The following HADHB variants were observed in gnomAD, a reference collection of about 807,000 sequenced individuals.
The protein encoded by HADHB is hydroxyacyl-CoA dehydrogenase trifunctional multienzyme complex subunit beta.
In HADHB, 50 loss-of-function variants were observed where a neutral mutation model predicts 61.9. The ratio of observed to expected loss-of-function variants is 0.81; its 90% CI spans 0.64 to 1.02. The LOEUF is 1.02. Ranked by LOEUF, HADHB falls within the 50% of genes least tolerant of loss-of-function variation. The pLI is 0.00. For missense variants in HADHB, 504 were observed against 586.5 expected (o/e 0.86, Z 1.45); for synonymous variants, 191 against 201.6 (o/e 0.95, Z 0.45).
rs766742523 is a variant in HADHB, at chr2:26,285,739, GTTTT to G, written c.1389+183_1389+186del. Among the ~76,000 whole-genome samples the G allele has an allele frequency of 8.1e-4, 53 of 65,098 alleles. 3 individuals carry two copies. The highest frequency in any genetic ancestry group is 2.8e-3 in the African/African-American group (43 of 15,154). 42.7% of individuals were successfully genotyped at this position (65,098 alleles called of 152,430 possible). On this transcript the variant is annotated intron_variant, in intron 15 of 15. Coordinates refer to ENST00000317799, the MANE Select transcript of HADHB (RefSeq NM_000183.3). The stretch of plus-strand genomic sequence containing the variant: ...TCTGATAAAACTTTTTGTTTTTTGG[GTTTT>G]TTTTTTTTTTTTTTGAGACAGTCTT...
intron 12 of HADHB, among the ~76,000 whole-genome samples, chr2:26,283,260 C>T (rs576774109): frequency 1.3e-5 from 2 of 152,158 alleles, no homozygotes; most frequent in South Asian, 2.1e-4. Context: ...CACGGTGGCT[C>T]ACGCCTGTAA....
chr2:26,279,462 A>G lies in HADHB; in HGVS notation c.811+147A>G, dbSNP rs899844707. 5.8e-6 allele frequency: 4 copies of G among 691,168 alleles called. No individual in the cohort carries two copies. The East Asian group carries it at 1.1e-4, about 19-fold the overall frequency. 42.8% of individuals were successfully genotyped at this position (691,168 alleles called of 1,614,324 possible). On this transcript the variant is annotated intron_variant, in intron 9 of 15. Transcript: ENST00000317799. Reference sequence around the variant, plus strand: ...TTCTTAAATATGGATGCAAATTTTGATTTATGTTGTAACAATAGGTTAACA... The same window carrying G: ...TTCTTAAATATGGATGCAAATTTTGGTTTATGTTGTAACAATAGGTTAACA...
chr2:26,276,127 C>T (rs1021240605), intron 6 of HADHB, among the ~76,000 whole-genome samples: 2 of 152,034 alleles, frequency 1.3e-5, no homozygotes, highest in East Asian at 1.9e-4. Context: ...TGGAATCAGA[C>T]GTTGATTGGT....
chr2:26,253,884 A>G (rs938430125), intron 1 of HADHB, among the ~76,000 whole-genome samples: 1 of 150,684 alleles, frequency 6.6e-6, no homozygotes, highest in African/African-American at 2.4e-5. Context: ...AAATAAATAA[A>G]TAAATAAATA....
chr2:26,250,063 A>G (rs1444414005), intron 1 of HADHB, among the ~76,000 whole-genome samples: 1 of 151,970 alleles, frequency 6.6e-6, no homozygotes, highest in Non-Finnish European at 1.5e-5. Context: ...CTGGAGTGCA[A>G]TAGTATGATC....
intron 3 of HADHB, chr2:26,260,449 A>G (rs984742280): frequency 1.3e-5 from 2 of 155,010 alleles, no homozygotes; most frequent in Non-Finnish European, 2.9e-5. Context: ...AAGGTCAGTC[A>G]TGAATAGTGT....
intron 13 of HADHB, 50 bp from the exon 14 acceptor site, chr2:26,284,833 G>T: frequency 1.1e-6 from 1 of 925,998 alleles, no homozygotes; most frequent in South Asian, 1.3e-5. Context: ...ATAAGAAAGC[G>T]TAGAGGAACA....
Position 26,244,954 on chromosome 2 carries a change from T to C in HADHB, c.-45T>C, listed in dbSNP as rs1671060106. 2 of 331,386 alleles carry C rather than the reference T, an allele frequency of 6.0e-6. No homozygotes were observed. The highest frequency in any genetic ancestry group is 1.2e-5 in the Non-Finnish European group (2 of 169,230). The allele number at this position is 331,386 out of a possible 1,614,324, so 20.5% of individuals were successfully genotyped here. On this transcript the variant is annotated 5_prime_UTR_variant, in exon 1 of 16. Transcript: ENST00000317799. ...GAGCCTTGGTACTTGGACCTGAACCTTGCTCCGAGAGGGAGTCCTCGCGGA... is the reference window on the plus strand; with the variant it reads ...GAGCCTTGGTACTTGGACCTGAACCCTGCTCCGAGAGGGAGTCCTCGCGGA...
At chr2:26,274,632 G>T (rs375136633) in intron 6 of HADHB, among the ~76,000 whole-genome samples, 1 of 152,162 alleles carries the variant, frequency 6.6e-6, no homozygotes, top group Non-Finnish European at 1.5e-5. Context: ...AATAGGAAGA[G>T]ATTTTATTTC....
intron 15 of HADHB, among the ~76,000 whole-genome samples, chr2:26,289,302 G>T (rs1210854437): frequency 1.3e-5 from 2 of 152,014 alleles, no homozygotes; most frequent in Non-Finnish European, 2.9e-5. Context: ...TCTTCCCTTT[G>T]TGGTCCCTCA....
chr2:26,285,248 T>C (rs1368053765), intron 14 of HADHB, among the ~76,000 whole-genome samples, 159 bp from the exon 15 acceptor site: 1 of 152,262 alleles, frequency 6.6e-6, no homozygotes, highest in African/African-American at 2.4e-5. Flanking sequence ...TGACTTTTAA[T>C]ATTGACCTAG....
Position 26,250,696 on chromosome 2 carries a change from C to G in HADHB, c.-8-3551C>G, listed in dbSNP as rs924529453. Among the ~76,000 whole-genome samples the G allele has an allele frequency of 2.6e-5, 4 of 150,946 alleles. No homozygotes were observed. In the East Asian group the frequency reaches 7.8e-4, roughly 29 times the overall value. On this transcript the variant is annotated intron_variant, in intron 1 of 15. Transcript: ENST00000317799. ...ATTAGCCAGGCATGGTGGCATGTGCCTGTAGTCTAAGCTACTCAGGAGGCT... is the reference window on the plus strand; with the variant it reads ...ATTAGCCAGGCATGGTGGCATGTGCGTGTAGTCTAAGCTACTCAGGAGGCT...
At chr2:26,260,187 T>A (rs1279610019) in intron 3 of HADHB, among the ~76,000 whole-genome samples, 2 of 150,196 alleles carry the variant, frequency 1.3e-5, no homozygotes, top group Non-Finnish European at 3.0e-5. Context: ...GTTCAAGCCA[T>A]TCTCCTGCCT....
chr2:26,284,519 G>A (rs900358721), intron 13 of HADHB, among the ~76,000 whole-genome samples: 8 of 150,402 alleles, frequency 5.3e-5, no homozygotes, highest in Admixed American at 5.3e-4. Flanking sequence ...CTGGAGTGTA[G>A]TGGCACGATC....
intron 3 of HADHB, among the ~76,000 whole-genome samples, chr2:26,263,059 G>A (rs2147809542): frequency 6.6e-6 from 1 of 152,190 alleles, no homozygotes; most frequent in South Asian, 2.1e-4. Context: ...CAGCAGTTTG[G>A]GAGGCTGAGG....
chr2:26,270,879 T>A (rs1177744995), intron 5 of HADHB, among the ~76,000 whole-genome samples: 1 of 91,984 alleles, frequency 1.1e-5, no homozygotes, highest in Non-Finnish European at 2.6e-5. Context: ...CTTCTGTAGC[T>A]TTTTTTTTTT....
intron 10 of HADHB, among the ~76,000 whole-genome samples, chr2:26,280,845 T>C (rs1574665371): frequency 1.5e-5 from 1 of 65,154 alleles, no homozygotes; most frequent in African/African-American, 6.5e-5. Context: ...AGAGCGAAAC[T>C]CCCATCTCAA....
Position 26,271,803 on chromosome 2 carries a change from GCC to G in HADHB, c.254+1807_254+1808del, listed in dbSNP as rs1672359280. Among the ~76,000 whole-genome samples the G allele has an allele frequency of 2.0e-5, 3 of 152,046 alleles. No homozygotes were observed. In the South Asian group the frequency reaches 6.2e-4, roughly 32 times the overall value. ...CTACAAAAAAAAATTTTAAAAATTAGCCAACCAAGAGAATTCAGCTCAGGAGT... is the reference window on the plus strand; with the variant it reads ...CTACAAAAAAAAATTTTAAAAATTAGAACCAAGAGAATTCAGCTCAGGAGT... On this transcript the variant is annotated intron_variant, in intron 5 of 15. Coordinates refer to ENST00000317799, the MANE Select transcript of HADHB (RefSeq NM_000183.3).
intron 6 of HADHB, among the ~76,000 whole-genome samples, chr2:26,274,678 C>T (rs1186219537): frequency 6.6e-6 from 1 of 152,162 alleles, no homozygotes; most frequent in African/African-American, 2.4e-5. Context: ...TGAACCTTGA[C>T]ATTTCTGAAT....
Sources: allele counts gnomAD v4.1 joint callset (sites outside exome capture counted in the v4.1 genomes callset), GRCh38; gene constraint gnomAD v4.1.1; transcripts MANE v1.5; gene names NCBI Gene and HGNC (gene_info 2026-07-23, HGNC 2026-07-21).